The following SUCLG2 variants were observed in gnomAD, a reference collection of about 807,000 sequenced individuals.
SUCLG2 encodes the protein succinate--CoA ligase [GDP-forming] subunit beta, mitochondrial.
A neutral mutation model predicts 47.9 loss-of-function variants in SUCLG2; 42 were observed. The observed-to-expected ratio is 0.88, with a 90% CI of 0.69 to 1.14. The LOEUF (loss-of-function observed/expected upper bound fraction) is 1.14, where lower values mean the gene tolerates loss of function less well. Among genes scored for constraint, SUCLG2 ranks in the 50% most tolerant of loss-of-function variants. The pLI is 0.00. For synonymous variants in SUCLG2, 195 were observed against 197.3 expected, an observed-to-expected ratio of 0.99 and a Z score of 0.10; for missense variants, 571 against 525.9, an observed-to-expected ratio of 1.09 and a Z score of -0.84.
In SUCLG2 at chr3:67,490,938, T is replaced by A. The variant is rs866708616; in HGVS notation, c.1062+4860A>T. 3.3e-5 allele frequency among the ~76,000 whole-genome samples: 5 copies of A among 151,970 alleles called. 1 individual carries two copies. In the South Asian group the frequency reaches 6.2e-4, roughly 19 times the overall value. Reference sequence around the variant, plus strand: ...AGACTAACCAGTAGCAAAAGTAAAGTAAAAGATAACAAATGCAAAAGAGTA... The same window carrying A: ...AGACTAACCAGTAGCAAAAGTAAAGAAAAAGATAACAAATGCAAAAGAGTA... On this transcript the variant is annotated intron_variant, in intron 9 of 10. Coordinates refer to ENST00000307227, the MANE Select transcript of SUCLG2 (RefSeq NM_003848.4).
intron 6 of SUCLG2, among the ~76,000 whole-genome samples, chr3:67,514,790 G>T (rs1705896958): frequency 6.6e-6 from 1 of 152,282 alleles, no homozygotes; most frequent in South Asian, 2.1e-4. Flanking sequence ...GTCACTGACG[G>T]ATTACAACCT....
chr3:67,535,750 A>T lies in SUCLG2; in HGVS notation c.227-6564T>A, dbSNP rs538990179. ...TGGACACAATGCAGAGAAGAGCAAG[A>T]AAAGGCTGGAGCCTCTTGCTAACAT... On this transcript the variant is annotated intron_variant, in intron 2 of 10. Transcript: ENST00000307227. Among the ~76,000 whole-genome samples the T allele has an allele frequency of 6.6e-5, 10 of 152,294 alleles. No individual in the cohort carries two copies. In the South Asian group the frequency reaches 2.1e-3, roughly 32 times the overall value.
intron 2 of SUCLG2, among the ~76,000 whole-genome samples, chr3:67,581,076 A>G (rs564838677): frequency 6.6e-6 from 1 of 152,288 alleles, no homozygotes; most frequent in Non-Finnish European, 1.5e-5. Context: ...AAGAATACTT[A>G]ATCTTTTAAC....
intron 2 of SUCLG2, among the ~76,000 whole-genome samples, chr3:67,570,777 T>G (rs1227039388): frequency 6.6e-6 from 1 of 152,178 alleles, no homozygotes; most frequent in Non-Finnish European, 1.5e-5. Flanking sequence ...AAACCTGGTG[T>G]ACAGAATCCT....
At chr3:67,379,812 C>T (rs1347350267) in intron 10 of SUCLG2, among the ~76,000 whole-genome samples, 1 of 152,234 alleles carries the variant, frequency 6.6e-6, no homozygotes, top group African/African-American at 2.4e-5. Context: ...ACCACCTCCC[C>T]ATGCCCCAAC....
At chr3:67,415,002 G>C (rs1399916867) in intron 9 of SUCLG2, among the ~76,000 whole-genome samples, 3 of 152,082 alleles carry the variant, frequency 2.0e-5, no homozygotes, top group Admixed American at 1.3e-4. Context: ...ACAGGCATCT[G>C]CCACATGCCC....
At position 67,498,244 on chromosome 3, in the gene SUCLG2, T is replaced by G; in HGVS notation, c.809A>C (p.Gln270Pro). The G allele has an allele frequency of 6.2e-7, 1 of 1,613,936 alleles. No individual in the cohort carries two copies. Residue 270 changes from glutamine (Q) to proline (P), a missense_variant, in exon 8 of 11, where the codon CAA (glutamine) becomes CCA (proline). Gln to Pro is a moderately conservative substitution (Grantham distance 76, BLOSUM62 -1). Coordinates refer to ENST00000307227, the MANE Select transcript of SUCLG2 (RefSeq NM_003848.4). ...INFDDNAEFR[Q>P]KDIFAMDDKS... ...GTCGTCCATAGCAAATATGTCTTTT[T>G]GTCGGAATTCTGCGTTGTCATCAAA...
At chr3:67,398,529 T>C (rs1382461901) in intron 10 of SUCLG2, among the ~76,000 whole-genome samples, 1 of 151,824 alleles carries the variant, frequency 6.6e-6, no homozygotes, top group Non-Finnish European at 1.5e-5. Context: ...CAACAGGTGC[T>C]GGAGAGGATG....
chr3:67,440,131 A>T (rs965803122), intron 9 of SUCLG2, among the ~76,000 whole-genome samples: 8 of 152,242 alleles, frequency 5.3e-5, no homozygotes, highest in Admixed American at 4.6e-4. Flanking sequence ...GCAATGGGGA[A>T]AAGATTCCCT....
intron 1 of SUCLG2, among the ~76,000 whole-genome samples, chr3:67,628,948 CAG>C (rs1390517536): frequency 2.0e-5 from 3 of 152,134 alleles, no homozygotes; most frequent in Admixed American, 6.5e-5. Context: ...AAAAGGCAGA[CAG>C]GGGAAGAGAA....
chr3:67,521,602 T>TC (rs902223838), intron 4 of SUCLG2, among the ~76,000 whole-genome samples: 3 of 150,564 alleles, frequency 2.0e-5, no homozygotes, highest in African/African-American at 7.5e-5. Flanking sequence ...TTTTTTTTAA[T>TC]CTTTTTTTTT....
chr3:67,508,789 AT>A lies in SUCLG2; in HGVS notation c.757+17del. ...TATAATACATTCATTTGTTTTCTCA[AT>A]TCTTTTTTTTTTTTACCTTGTCCTT... is the stretch of plus-strand genomic sequence containing the variant. On this transcript the variant is annotated intron_variant, in intron 7 of 10. Transcript: ENST00000307227. 2 of 1,508,726 alleles carry A rather than the reference AT, an allele frequency of 1.3e-6. No individual in the cohort carries two copies. Among genetic ancestry groups the A allele is most frequent in the Admixed American group, 3.8e-5 (2 of 53,030 alleles). 93.5% of individuals were successfully genotyped at this position (1,508,726 alleles called of 1,614,324 possible). A position where few individuals can be genotyped will look rare whatever the true frequency, so the allele number is the denominator to read the frequency against.
At chr3:67,526,071 A>T (rs1274396382) in intron 4 of SUCLG2, among the ~76,000 whole-genome samples, 2 of 152,258 alleles carry the variant, frequency 1.3e-5, no homozygotes, top group Non-Finnish European at 2.9e-5. Flanking sequence ...GAAGTCCAAG[A>T]TCAGTGCACC....
At chr3:67,654,235 T>C (rs1701341011) in intron 1 of SUCLG2, among the ~76,000 whole-genome samples, 1 of 152,246 alleles carries the variant, frequency 6.6e-6, no homozygotes, top group Non-Finnish European at 1.5e-5. Context: ...GCCTTCGCCA[T>C]GAGTCTGCGC....
chr3:67,471,837 C>T (rs1187603550), intron 9 of SUCLG2, among the ~76,000 whole-genome samples: 2 of 152,116 alleles, frequency 1.3e-5, no homozygotes, highest in Non-Finnish European at 2.9e-5. Flanking sequence ...TGGAGCAAAC[C>T]ACATCCATAA....
chr3:67,415,316 A>T (rs550395470), intron 9 of SUCLG2, among the ~76,000 whole-genome samples: 1 of 152,334 alleles, frequency 6.6e-6, no homozygotes, highest in African/African-American at 2.4e-5. Flanking sequence ...ACGAGGATTG[A>T]AGAGTTATAC....
chr3:67,452,088 T>TA (rs1184790006), intron 9 of SUCLG2, among the ~76,000 whole-genome samples: 1 of 151,986 alleles, frequency 6.6e-6, no homozygotes, highest in African/African-American at 2.4e-5. Context: ...ACCAGAGTAA[T>TA]AAAAAAATAA....
At chr3:67,421,907 G>A (rs1023465770) in intron 9 of SUCLG2, among the ~76,000 whole-genome samples, 7 of 152,090 alleles carry the variant, frequency 4.6e-5, no homozygotes, top group South Asian at 2.1e-4. Context: ...AGTCTATTTC[G>A]GTTATGTTGA....
intron 1 of SUCLG2, among the ~76,000 whole-genome samples, chr3:67,640,148 T>C (rs550167738): frequency 8.5e-5 from 13 of 152,318 alleles, no homozygotes; most frequent in African/African-American, 3.1e-4. Context: ...ATCCTAAGGT[T>C]CCAAAGACAG....
Sources: allele counts gnomAD v4.1 joint callset (sites outside exome capture counted in the v4.1 genomes callset), GRCh38; gene constraint gnomAD v4.1.1; transcripts MANE v1.5; gene names NCBI Gene and HGNC (gene_info 2026-07-23, HGNC 2026-07-21).